Variants in DSG1 observed in about 807,000 individuals in gnomAD.
DSG1 encodes the protein desmoglein 1.
Under a neutral mutation model 97.5 loss-of-function variants are expected in DSG1, and 39 were observed. That is an observed-to-expected ratio of 0.40 (90% CI 0.31 to 0.52). The LOEUF (loss-of-function observed/expected upper bound fraction) is 0.52, where lower values mean the gene tolerates loss of function less well. Among genes scored for constraint, DSG1 ranks in the 20% least tolerant of loss-of-function variants. The pLI, the probability that DSG1 is intolerant of heterozygous loss-of-function variation, is 0.53. For missense variants in DSG1, 1,311 were observed against 1,295.4 expected (o/e 1.01, Z -0.18); for synonymous variants, 475 against 443.4 (o/e 1.07, Z -0.90).
rs150549762 is a variant in DSG1, at chr18:31,338,417, C to A, written c.1368C>A (p.Leu456=). ...NKVTKEQYNM[L]GGKYQGTILS... ...TTACCAAGGAACAGTACAATATGCT[C>A]GGAGGAAAATACCAAGGAACGATTC... Residue 456 remains leucine, a synonymous_variant, in exon 10 of 15, where the codon CTC becomes CTA. Coordinates refer to ENST00000257192, the MANE Select transcript of DSG1 (RefSeq NM_001942.4). 2 of 1,613,442 alleles carry A rather than the reference C, an allele frequency of 1.2e-6. No homozygotes were observed. The highest frequency in any genetic ancestry group is 1.7e-6 in the Non-Finnish European group (2 of 1,179,634).
At position 31,328,250 on chromosome 18, in the gene DSG1, A is replaced by T. The variant is rs2144089472; in HGVS notation, c.278A>T (p.Asp93Val). The T allele has an allele frequency of 3.7e-6, 6 of 1,613,688 alleles. No individual in the cohort carries two copies. Among genetic ancestry groups the T allele is most frequent in the Non-Finnish European group, 5.1e-6 (6 of 1,179,640 alleles). The change falls in exon 4 of 15, where the codon GAT becomes GTT. Residue 93 changes from aspartate (D) to valine (V), a missense_variant. Asp to Val is a radical substitution (Grantham distance 152). This residue lies in a region of DSG1 where 259 missense variants were observed against 304.1 expected (regional missense o/e 0.85). Coordinates refer to ENST00000257192, the MANE Select transcript of DSG1 (RefSeq NM_001942.4). ...TACCGCATCTCTGGAGTAGGAATTG[A>T]TCAGCCACCATATGGGATCTTTGTC... is the stretch of plus-strand genomic sequence containing the variant. ...VTYRISGVGI[D>V]QPPYGIFVIN...
rs1434125063 is a variant in DSG1, at chr18:31,355,292, T to C, written c.3096T>C (p.Pro1032=). ...HFNQTIGSAS[P]STARSRITKY... ...ACCAAACCATTGGGTCCGCCTCCCCTAGCACAGCTCGAAGTCGAATCACAA... is the reference window on the plus strand; with the variant it reads ...ACCAAACCATTGGGTCCGCCTCCCCCAGCACAGCTCGAAGTCGAATCACAA... Residue 1032 remains proline, a synonymous_variant, in exon 15 of 15, where the codon CCT becomes CCC. Coordinates refer to ENST00000257192, the MANE Select transcript of DSG1 (RefSeq NM_001942.4). 1.9e-6 allele frequency: 3 copies of C among 1,614,104 alleles called. No homozygotes were observed. Among genetic ancestry groups the C allele is most frequent in the Non-Finnish European group, 2.5e-6 (3 of 1,179,990 alleles).
At chr18:31,334,658 T>C (rs1295040781) in intron 8 of DSG1, among the ~76,000 whole-genome samples, 3 of 152,144 alleles carry the variant, frequency 2.0e-5, no homozygotes, top group East Asian at 3.8e-4. Flanking sequence ...TTTCATAAAA[T>C]TTAAGTTAAA....
In DSG1 at chr18:31,334,413, G is replaced by A. The variant is rs2219583; in HGVS notation, c.1005+211G>A. Reference sequence around the variant, plus strand: ...AAACAGGTATTGAATTTTAACTGGAGACAGTTTGTCAATACAGTACTCCCA... The same window carrying A: ...AAACAGGTATTGAATTTTAACTGGAAACAGTTTGTCAATACAGTACTCCCA... On this transcript the variant is annotated intron_variant, in intron 8 of 14. Transcript: ENST00000257192. Among the ~76,000 whole-genome samples the A allele has an allele frequency of 0.41, 62,891 of 151,740 alleles. 14,248 individuals carry two copies. Among genetic ancestry groups the A allele is most frequent in the Non-Finnish European group, 0.5 (33,693 of 67,878 alleles).
intron 1 of DSG1, among the ~76,000 whole-genome samples, chr18:31,324,035 G>GT (rs2144084335): frequency 8.0e-6 from 1 of 125,134 alleles, no homozygotes; most frequent in Non-Finnish European, 1.6e-5. Flanking sequence ...GTCCCCAGGA[G>GT]TGCAGTGGTG....
intron 14 of DSG1, among the ~76,000 whole-genome samples, chr18:31,351,958 A>C: frequency 6.6e-6 from 1 of 151,204 alleles, no homozygotes. Context: ...TGGAGCATTT[A>C]GTCCATTTAC....
chr18:31,321,828 A>T (rs979767315), intron 1 of DSG1, among the ~76,000 whole-genome samples: 1 of 152,188 alleles, frequency 6.6e-6, no homozygotes, highest in Non-Finnish European at 1.5e-5. Context: ...CTCTTTCTCC[A>T]CAACACATTC....
At chr18:31,326,519 T>A (rs1396426319) in intron 1 of DSG1, 62 bp from the exon 2 acceptor site, 1 of 1,245,446 alleles carries the variant, frequency 8.0e-7, no homozygotes, top group African/African-American at 1.5e-5. Flanking sequence ...AGTAACTGGA[T>A]AATATAAATT....
At chr18:31,324,253 A>T (rs375730498) in intron 1 of DSG1, among the ~76,000 whole-genome samples, 2 of 148,942 alleles carry the variant, frequency 1.3e-5, no homozygotes, top group South Asian at 4.2e-4. Context: ...AAGTGCTGGG[A>T]TTACAGGCGT....
In DSG1 at chr18:31,355,429, A is replaced by G; in HGVS notation, c.*83A>G. 7.2e-7 allele frequency: 1 copy of G among 1,397,774 alleles called. No homozygotes were observed. The highest frequency in any genetic ancestry group is 1.0e-6 in the Non-Finnish European group (1 of 1,002,290). 86.6% of individuals were successfully genotyped at this position (1,397,774 alleles called of 1,614,324 possible). A position where few individuals can be genotyped will look rare whatever the true frequency, so the allele number is the denominator to read the frequency against. On this transcript the variant is annotated 3_prime_UTR_variant, in exon 15 of 15. Transcript: ENST00000257192. ...TAAAAAACCAACAATGTGATTTATA[A>G]CGCACAACTTCGTGCTCAGGTCATC...
At chr18:31,334,342 CAT>C (rs950235104) in intron 8 of DSG1, 140 bp downstream of exon 8, 1 of 473,142 alleles carries the variant, frequency 2.1e-6, no homozygotes. Context: ...ATATATATAA[CAT>C]AGAGCTTTTT....
chr18:31,324,733 C>T (rs1461510647), intron 1 of DSG1, among the ~76,000 whole-genome samples: 2 of 152,172 alleles, frequency 1.3e-5, no homozygotes, highest in East Asian at 3.9e-4. Flanking sequence ...TGTCTCTGCT[C>T]CAGCGTACCT....
intron 13 of DSG1, 50 bp from the exon 14 acceptor site, chr18:31,345,940 A>G: frequency 1.4e-6 from 2 of 1,476,446 alleles, no homozygotes; most frequent in Non-Finnish European, 1.9e-6. Context: ...GTTACTTTTT[A>G]GTTTATGATA....
chr18:31,332,240 GA>G (rs753576975), intron 6 of DSG1, among the ~76,000 whole-genome samples: 1 of 152,116 alleles, frequency 6.6e-6, no homozygotes, highest in Non-Finnish European at 1.5e-5. Context: ...ACGTTTTGGT[GA>G]GTTACAGTGC....
rs61730306 is a variant in DSG1, at chr18:31,339,948, A to G, written c.1610A>G (p.Lys537Arg). 133,445 of 1,613,900 alleles carry G rather than the reference A, an allele frequency of 0.083. 7,163 individuals are homozygous for G. The highest frequency in any genetic ancestry group is 0.2 in the South Asian group (17,992 of 91,070). The change falls in exon 11 of 15, where the codon AAA becomes AGA. Residue 537 changes from lysine to arginine, a missense_variant. Lys to Arg is a conservative substitution (Grantham distance 26). This residue lies in a region of DSG1 where 1,038 missense variants were observed against 964.6 expected (regional missense o/e 1.08). Coordinates refer to ENST00000257192, the MANE Select transcript of DSG1 (RefSeq NM_001942.4). ...VYSSEPGNGA[K>R]DLLSDNVHFG... is the part of the protein sequence containing the mutation. ...TCTTCTGAACCCGGAAACGGAGCCA[A>G]AGATTTGTTATCAGACAATGTACAT...
At chr18:31,347,740 C>A (rs948774029) in intron 14 of DSG1, 1 of 152,078 alleles carries the variant, frequency 6.6e-6, no homozygotes, top group Non-Finnish European at 1.5e-5. Flanking sequence ...GTAGAACAGA[C>A]CCAGAGTCAA....
Position 31,318,187 on chromosome 18 carries a change from A to T in DSG1, c.-114A>T. ...AAACACCTCAAAGCCTGCATGTAAGAACATCTACTGAGAAATTATTTTAAT... is the reference window on the plus strand; with the variant it reads ...AAACACCTCAAAGCCTGCATGTAAGTACATCTACTGAGAAATTATTTTAAT... On this transcript the variant is annotated 5_prime_UTR_variant, in exon 1 of 15. Transcript: ENST00000257192. The T allele has an allele frequency of 1.1e-6, 1 of 947,920 alleles. No homozygotes were observed. The highest frequency in any genetic ancestry group is 1.7e-6 in the Non-Finnish European group (1 of 576,792). 58.7% of individuals were successfully genotyped at this position (947,920 alleles called of 1,614,324 possible). A position where few individuals can be genotyped will look rare whatever the true frequency, so the allele number is the denominator to read the frequency against.
At chr18:31,324,925 T>C (rs1225995076) in intron 1 of DSG1, among the ~76,000 whole-genome samples, 3 of 152,240 alleles carry the variant, frequency 2.0e-5, no homozygotes, top group Non-Finnish European at 4.4e-5. Flanking sequence ...GCATTTAATA[T>C]TACAGCTGGA....
intron 11 of DSG1, among the ~76,000 whole-genome samples, chr18:31,341,578 A>G (rs2071788974): frequency 6.6e-6 from 1 of 152,236 alleles, no homozygotes; most frequent in Non-Finnish European, 1.5e-5. Flanking sequence ...TACATTAACA[A>G]ATAAGAGTTT....
Sources: gnomAD v4.1 joint callset for allele counts (sites outside exome capture counted in the v4.1 genomes callset) on GRCh38, gnomAD v4.1.1 for gene constraint, gnomAD v4.1.1 regional missense constraint, MANE v1.5 for transcripts, NCBI Gene and HGNC (gene_info 2026-07-23, HGNC 2026-07-21) for gene names.